Variants in HADH observed in about 807,000 individuals in gnomAD.
The protein encoded by HADH is hydroxyacyl-coenzyme A dehydrogenase, mitochondrial.
HADH carries 24 observed loss-of-function variants against 32.2 expected under a neutral mutation model. The observed-to-expected ratio is 0.75, with a 90% CI of 0.54 to 1.05. The LOEUF is 1.05. HADH is among the 50% of genes least tolerant of loss of function. HADH has a pLI of 0.00. For missense variants in HADH, 350 were observed against 397.1 expected (o/e 0.88, Z 1.01); for synonymous variants, 139 against 152.5 (o/e 0.91, Z 0.65).
intron 4 of HADH, among the ~76,000 whole-genome samples, chr4:108,022,679 G>A (rs908007145): frequency 1.3e-5 from 2 of 152,106 alleles, no homozygotes; most frequent in Non-Finnish European, 1.5e-5. Context: ...GACTTTAAGG[G>A]CAACCATCAT....
intron 1 of HADH, among the ~76,000 whole-genome samples, chr4:108,007,292 A>G (rs1735322849): frequency 6.6e-6 from 1 of 152,088 alleles, no homozygotes. Flanking sequence ...ATTTTTTAAT[A>G]GAGATGGGGT....
intron 1 of HADH, among the ~76,000 whole-genome samples, chr4:107,995,766 C>G (rs1734936944): frequency 6.6e-6 from 1 of 152,156 alleles, no homozygotes; most frequent in African/African-American, 2.4e-5. Flanking sequence ...AGCCTGAATT[C>G]AGTTCTGCCT....
intron 1 of HADH, 43 bp from the exon 2 acceptor site, chr4:108,009,716 G>C (rs377462020): frequency 9.3e-6 from 15 of 1,604,942 alleles, no homozygotes; most frequent in Non-Finnish European, 1.3e-5. Context: ...TGCGTGTTAT[G>C]TTTTCTTTCT....
At chr4:108,023,236 C>T (rs2126234325) in intron 4 of HADH, among the ~76,000 whole-genome samples, 1 of 152,298 alleles carries the variant, frequency 6.6e-6, no homozygotes, top group East Asian at 1.9e-4. Context: ...TCATGATCTG[C>T]CCGCTTCAGC....
At chr4:107,998,107 G>T (rs1337976078) in intron 1 of HADH, among the ~76,000 whole-genome samples, 1 of 152,172 alleles carries the variant, frequency 6.6e-6, no homozygotes, top group Non-Finnish European at 1.5e-5. Flanking sequence ...GGTTCTCAGT[G>T]TACAAAGATG....
chr4:108,000,511 T>C (rs1447503217), intron 1 of HADH, among the ~76,000 whole-genome samples: 1 of 152,226 alleles, frequency 6.6e-6, no homozygotes, highest in Non-Finnish European at 1.5e-5. Context: ...GGGACTGGGC[T>C]GCCATTACAT....
At chr4:108,001,861 G>C (rs1295164893) in intron 1 of HADH, among the ~76,000 whole-genome samples, 1 of 152,108 alleles carries the variant, frequency 6.6e-6, no homozygotes, top group Non-Finnish European at 1.5e-5. Context: ...GTTGACTGTT[G>C]GTAACTGAAA....
chr4:108,003,521 T>C (rs2126222756), intron 1 of HADH, among the ~76,000 whole-genome samples: 1 of 152,260 alleles, frequency 6.6e-6, no homozygotes, highest in Admixed American at 6.5e-5. Flanking sequence ...CATATCACCA[T>C]GCCACCAAGT....
intron 1 of HADH, among the ~76,000 whole-genome samples, chr4:108,002,802 T>C (rs1046753522): frequency 2.0e-5 from 3 of 152,236 alleles, no homozygotes; most frequent in African/African-American, 7.2e-5. Context: ...TATTTTGTTA[T>C]AGCAGCACTA....
intron 1 of HADH, 85 bp downstream of exon 1, chr4:107,990,149 C>T (rs915424418): frequency 3.6e-6 from 5 of 1,381,812 alleles, no homozygotes; most frequent in Non-Finnish European, 3.9e-6. Context: ...CGCGAGGGGC[C>T]TGCACCCGCC....
rs1736346193 is a variant in HADH at position 108,033,358 on chromosome 4, C to G, written c.826+66C>G. The G allele has an allele frequency of 1.8e-5, 16 of 879,328 alleles. No homozygotes were observed. The Admixed American group carries it at 2.5e-4, about 14-fold the overall frequency. The allele number at this position is 879,328 out of a possible 1,614,324, so 54.5% of individuals were successfully genotyped here. On this transcript the variant is annotated intron_variant, in intron 7 of 7. Coordinates refer to ENST00000309522, the MANE Select transcript of HADH (RefSeq NM_005327.7). ...TTTTCTGAACTGTAAATTATAATGC[C>G]TTTTTAAAAAAAGTTAGCAGGGGTC... is the stretch of plus-strand genomic sequence containing the variant.
At position 108,034,371 on chromosome 4, in the gene HADH, C is replaced by T. The variant is rs373572619; in HGVS notation, c.*14C>T. ...AAATACAAGTGATGTGCAGCTTCTC[C>T]GGCTCTGAGAAGAACACCTGAGAGC... On this transcript the variant is annotated 3_prime_UTR_variant, in exon 8 of 8. Coordinates refer to ENST00000309522, the MANE Select transcript of HADH (RefSeq NM_005327.7). 16 of 1,473,804 alleles carry T rather than the reference C, an allele frequency of 1.1e-5. No individual in the cohort carries two copies. Among genetic ancestry groups the T allele is most frequent in the East Asian group, 4.5e-5 (2 of 44,204 alleles). The allele number at this position is 1,473,804 out of a possible 1,614,324, so 91.3% of individuals were successfully genotyped here.
At chr4:108,032,032 T>G in intron 6 of HADH, 1 of 287,144 alleles carries the variant, frequency 3.5e-6, no homozygotes, top group Non-Finnish European at 6.4e-6. Flanking sequence ...TTGAAATCCT[T>G]TGGAATTACT....
At chr4:108,007,327 T>TTGATCTCC (rs747479541) in intron 1 of HADH, among the ~76,000 whole-genome samples, 4 of 152,186 alleles carry the variant, frequency 2.6e-5, no homozygotes, top group Non-Finnish European at 4.4e-5. Flanking sequence ...CAGGATGGTC[T>TTGATCTCC]TGATCTCCTG....
At position 108,033,286 on chromosome 4, in the gene HADH, G is replaced by A. The variant is rs543440046; in HGVS notation, c.820G>A (p.Val274Met). Residue 274 changes from valine (V) to methionine (M), a missense_variant, in exon 7 of 8, where the codon GTG becomes ATG. Transcript: ENST00000309522. ...YVGLDTTKFI[V>M]DGWHEMDAEN... ...CGGACTGGATACTACGAAGTTCATC[G>A]TGGATGGTAGGAATTGGAATTTTTT... The A allele has an allele frequency of 1.1e-5, 16 of 1,486,700 alleles. No homozygotes were observed. The highest frequency in any genetic ancestry group is 1.7e-4 in the Middle Eastern group (1 of 5,814). The allele number at this position is 1,486,700 out of a possible 1,614,324, so 92.1% of individuals were successfully genotyped here. A position where few individuals can be genotyped will look rare whatever the true frequency, so the allele number is the denominator to read the frequency against.
chr4:107,998,143 G>A (rs150415069), intron 1 of HADH, among the ~76,000 whole-genome samples: 41 of 152,318 alleles, frequency 2.7e-4, no homozygotes, highest in African/African-American at 9.9e-4. Context: ...GGAGCCTACA[G>A]TAGAGGAGTT....
At chr4:108,026,167 G>C (rs1736063645) in intron 5 of HADH, 1 of 152,084 alleles carries the variant, frequency 6.6e-6, no homozygotes. Context: ...TCAGCCTTCT[G>C]AGTAGCTGGG....
chr4:108,016,888 G>A (rs1057407756), intron 3 of HADH, among the ~76,000 whole-genome samples: 2 of 152,164 alleles, frequency 1.3e-5, no homozygotes, highest in African/African-American at 4.8e-5. Flanking sequence ...GAGTTGTTTA[G>A]GAAACTCATT....
intron 1 of HADH, among the ~76,000 whole-genome samples, chr4:108,006,282 C>T (rs1165757040): frequency 6.6e-6 from 1 of 152,102 alleles, no homozygotes; most frequent in Non-Finnish European, 1.5e-5. Context: ...TTTAGAGCTT[C>T]TCAGTGGTTT....
Sources: allele counts gnomAD v4.1 joint callset (sites outside exome capture counted in the v4.1 genomes callset), GRCh38; gene constraint gnomAD v4.1.1; transcripts MANE v1.5; gene names NCBI Gene and HGNC (gene_info 2026-07-23, HGNC 2026-07-21).